FARP1: variants seen among roughly 807,000 people sequenced by gnomAD.
The protein encoded by FARP1 is FERM, ARH/RhoGEF and pleckstrin domain protein 1, also known as FERM, ARHGEF and pleckstrin domain-containing protein 1.
In FARP1, 52 loss-of-function variants were observed where a neutral mutation model predicts 128.8. The ratio of observed to expected loss-of-function variants is 0.40; its 90% CI spans 0.32 to 0.51. The LOEUF (loss-of-function observed/expected upper bound fraction) is 0.51. Among genes scored for constraint, FARP1 ranks in the 20% least tolerant of loss-of-function variants. FARP1 has a pLI of 0.45. For synonymous variants in FARP1, 580 were observed against 551.8 expected, an observed-to-expected ratio of 1.05 and a Z score of -0.72; for missense variants, 1,333 against 1,367.9, an observed-to-expected ratio of 0.97 and a Z score of 0.40.
chr13:98,387,423 G>A (rs1176406081), intron 8 of FARP1, among the ~76,000 whole-genome samples: 3 of 152,212 alleles, frequency 2.0e-5, no homozygotes, highest in Non-Finnish European at 4.4e-5. Context: ...GAATTAATGT[G>A]CTTTGATTGT....
At chr13:98,442,813 C>A (rs1482954729) in intron 24 of FARP1, among the ~76,000 whole-genome samples, 1 of 152,226 alleles carries the variant, frequency 6.6e-6, no homozygotes, top group East Asian at 1.9e-4. Context: ...TGTGTGGCGC[C>A]GCCACTGGGG....
intron 2 of FARP1, among the ~76,000 whole-genome samples, chr13:98,307,579 G>A (rs974553275): frequency 5.9e-5 from 9 of 152,088 alleles, no homozygotes; most frequent in African/African-American, 1.4e-4. Context: ...GGCTCACAGC[G>A]CGTTCATGTC....
intron 9 of FARP1, among the ~76,000 whole-genome samples, chr13:98,388,760 G>A (rs1394559365): frequency 6.6e-6 from 1 of 152,224 alleles, no homozygotes; most frequent in Non-Finnish European, 1.5e-5. Context: ...AGCCCCTCCT[G>A]ATAAACAACC....
chr13:98,305,831 C>G (rs1406658936), intron 2 of FARP1, among the ~76,000 whole-genome samples: 1 of 151,558 alleles, frequency 6.6e-6, no homozygotes, highest in East Asian at 1.9e-4. Flanking sequence ...AAGTTCAACT[C>G]AAATTTTACT....
chr13:98,210,035 TAAAA>T (rs372991520), intron 1 of FARP1, among the ~76,000 whole-genome samples: 6 of 150,782 alleles, frequency 4.0e-5, no homozygotes, highest in Admixed American at 2.0e-4. Context: ...TAATAAAAAA[TAAAA>T]AAAACTTTGT....
At chr13:98,353,704 T>A (rs183386524) in intron 3 of FARP1, among the ~76,000 whole-genome samples, 27 of 152,184 alleles carry the variant, frequency 1.8e-4, no homozygotes, top group Non-Finnish European at 1.6e-4. Context: ...AAGCATCTGT[T>A]TATTTTAATA....
chr13:98,160,275 C>G (rs972422498), intron 1 of FARP1, among the ~76,000 whole-genome samples: 2 of 152,172 alleles, frequency 1.3e-5, no homozygotes, highest in African/African-American at 4.8e-5. Flanking sequence ...TATGCCAGCA[C>G]TCTGGCAGGT....
At chr13:98,287,723 A>G (rs1885254034) in intron 2 of FARP1, among the ~76,000 whole-genome samples, 1 of 151,704 alleles carries the variant, frequency 6.6e-6, no homozygotes, top group South Asian at 2.1e-4. Flanking sequence ...ATAATCTTTA[A>G]AAAAAAATCC....
chr13:98,345,402 C>T (rs753247171), intron 3 of FARP1: 8 of 152,234 alleles, frequency 5.3e-5, no homozygotes, highest in Non-Finnish European at 1.0e-4. Flanking sequence ...CTGTGTTCTT[C>T]TGACTCCAAG....
chr13:98,303,368 C>T (rs1304928146), intron 2 of FARP1, among the ~76,000 whole-genome samples: 1 of 152,194 alleles, frequency 6.6e-6, no homozygotes, highest in African/African-American at 2.4e-5. Flanking sequence ...TGTATACTTA[C>T]AGTAGTTGAA....
At chr13:98,326,797 T>C (rs1392324956) in intron 2 of FARP1, among the ~76,000 whole-genome samples, 1 of 152,244 alleles carries the variant, frequency 6.6e-6, no homozygotes, top group African/African-American at 2.4e-5. Context: ...ATCATTTTGC[T>C]GCCTGTGTCA....
At chr13:98,364,159 G>T (rs574962897) in intron 3 of FARP1, among the ~76,000 whole-genome samples, 9 of 152,326 alleles carry the variant, frequency 5.9e-5, no homozygotes, top group African/African-American at 2.2e-4. Context: ...AGTATTCCTT[G>T]TGTGTGCAGA....
intron 2 of FARP1, among the ~76,000 whole-genome samples, chr13:98,289,165 C>T (rs183625081): frequency 2.0e-3 from 298 of 152,272 alleles, no homozygotes; most frequent in African/African-American, 6.5e-3. Flanking sequence ...GTGGGTGGAT[C>T]CAGCAGCAGT....
chr13:98,213,231 G>A lies in FARP1; in HGVS notation c.-12G>A. On this transcript the variant is annotated 5_prime_UTR_variant, in exon 2 of 27. Transcript: ENST00000319562. Reference sequence around the variant, plus strand: ...ACTGCTTCCTGCAGATATTCTCTAAGCCGCTTTCATCATGGGAGAAATAGA... The same window carrying A: ...ACTGCTTCCTGCAGATATTCTCTAAACCGCTTTCATCATGGGAGAAATAGA... 1 of 1,609,742 alleles carries A rather than the reference G, an allele frequency of 6.2e-7. No homozygotes were observed. The highest frequency in any genetic ancestry group is 8.5e-7 in the Non-Finnish European group (1 of 1,178,614).
chr13:98,209,474 T>A (rs1880522508), intron 1 of FARP1, among the ~76,000 whole-genome samples: 2 of 8,300 alleles, frequency 2.4e-4, no homozygotes, highest in South Asian at 6.3e-3. Context: ...GAGGAAAGAT[T>A]TTTTTTTTTT....
chr13:98,419,483 TACACAC>T (rs57751374), intron 16 of FARP1, among the ~76,000 whole-genome samples: 18 of 140,044 alleles, frequency 1.3e-4, no homozygotes, highest in African/African-American at 2.2e-4. Context: ...CAAAAAAAAA[TACACAC>T]ACACACACAC....
intron 2 of FARP1, among the ~76,000 whole-genome samples, chr13:98,259,882 AGTGTGTGTGTGTGTGTGT>A (rs60886784): frequency 7.8e-6 from 1 of 128,770 alleles, no homozygotes; most frequent in Admixed American, 8.2e-5. Flanking sequence ...ATACCTGAAA[AGTGTGTGTGTGTGTGTGT>A]GTGTGTGTGT....
At chr13:98,287,502 A>C (rs4772063) in intron 2 of FARP1, among the ~76,000 whole-genome samples, 37,479 of 151,692 alleles carry the variant, frequency 0.25, 4,994 homozygotes, top group African/African-American at 0.34. Flanking sequence ...GTGCGGGATT[A>C]CAGGTGTGAG....
chr13:98,431,183 C>T lies in FARP1; in HGVS notation c.2046C>T (p.Leu682=), dbSNP rs775774879. ...KVCYLPLNTF[L]LRPLHRLMHY... Reference sequence around the variant, plus strand: ...GTTACCTACCGCTCAACACCTTCCTCCTGCGGCCACTGCACCGGCTCATGC... The same window carrying T: ...GTTACCTACCGCTCAACACCTTCCTTCTGCGGCCACTGCACCGGCTCATGC... The change falls in exon 18 of 27, where the codon CTC becomes CTT. Residue 682 remains leucine, a synonymous_variant. Transcript: ENST00000319562. The T allele has an allele frequency of 4.3e-6, 7 of 1,613,456 alleles. No homozygotes were observed. Among genetic ancestry groups the T allele is most frequent in the Non-Finnish European group, 4.2e-6 (5 of 1,179,780 alleles).
Sources: gnomAD v4.1 joint callset for allele counts (sites outside exome capture counted in the v4.1 genomes callset) on GRCh38, gnomAD v4.1.1 for gene constraint, MANE v1.5 for transcripts, NCBI Gene and HGNC (gene_info 2026-07-23, HGNC 2026-07-21) for gene names.